PTPRQ: variants seen among roughly 807,000 people sequenced by gnomAD.
The protein encoded by PTPRQ is phosphatidylinositol phosphatase PTPRQ.
PTPRQ carries 199 observed loss-of-function variants against 246.0 expected under a neutral mutation model. That is an observed-to-expected ratio of 0.81 (90% CI 0.72 to 0.91). The LOEUF (loss-of-function observed/expected upper bound fraction) is 0.91, where lower values mean the gene tolerates loss of function less well. Ranked by LOEUF, PTPRQ falls within the 40% of genes least tolerant of loss-of-function variation. The pLI is 0.00. For missense variants in PTPRQ, 2,624 were observed against 2,528.4 expected (o/e 1.04, Z -0.81); for synonymous variants, 869 against 853.2 (o/e 1.02, Z -0.32).
At chr12:80,521,028 T>C (rs1895465414) in intron 17 of PTPRQ, among the ~76,000 whole-genome samples, 1 of 151,914 alleles carries the variant, frequency 6.6e-6, no homozygotes, top group African/African-American at 2.4e-5. Flanking sequence ...ACCTGTTGTT[T>C]CCTGACTTTT....
chr12:80,508,558 G>A (rs1419239423), intron 16 of PTPRQ, among the ~76,000 whole-genome samples: 1 of 152,020 alleles, frequency 6.6e-6, no homozygotes, highest in Non-Finnish European at 1.5e-5. Flanking sequence ...GCCAGGTAGA[G>A]GAGTGACAGA....
chr12:80,637,422 T>C (rs1196691920), intron 35 of PTPRQ, among the ~76,000 whole-genome samples: 4 of 152,252 alleles, frequency 2.6e-5, no homozygotes, highest in African/African-American at 9.6e-5. Context: ...TTCAGATAAT[T>C]TTTATTTTGT....
At chr12:80,601,434 T>A (rs983046779) in intron 26 of PTPRQ, among the ~76,000 whole-genome samples, 1 of 151,884 alleles carries the variant, frequency 6.6e-6, no homozygotes, top group Admixed American at 6.6e-5. Context: ...TATGAGCTTT[T>A]TGTCCTCTTA....
At chr12:80,557,287 C>T (rs1896672636) in intron 25 of PTPRQ, among the ~76,000 whole-genome samples, 1 of 151,974 alleles carries the variant, frequency 6.6e-6, no homozygotes, top group Non-Finnish European at 1.5e-5. Context: ...CTTGAACGTC[C>T]TTCCTCCCAG....
chr12:80,550,684 C>A lies in PTPRQ; in HGVS notation c.4285+950C>A, dbSNP rs1474931128. ...CCCATTATTTGTTTTTTCCAAGATG[C>A]TGACTGGTAAATATTTCTAGGAAAA... On this transcript the variant is annotated intron_variant, in intron 25 of 44. Coordinates refer to ENST00000644991, the MANE Select transcript of PTPRQ (RefSeq NM_001145026.2). Among the ~76,000 whole-genome samples the A allele has an allele frequency of 2.0e-5, 3 of 152,104 alleles. No homozygotes were observed. In the East Asian group the frequency reaches 5.8e-4, roughly 29 times the overall value.
chr12:80,652,804 G>C lies in PTPRQ; in HGVS notation c.6085G>C (p.Ala2029Pro). ...TGATGCTGATCTGCCTTGGAATAGA[G>C]CAAAAAACCGCTTCCCAAACATAAA... ...STDADLPWNR[A>P]KNRFPNIKPY... The change falls in exon 38 of 45, where the codon GCA becomes CCA. Residue 2029 changes from alanine (A) to proline (P), a missense_variant. Coordinates refer to ENST00000644991, the MANE Select transcript of PTPRQ (RefSeq NM_001145026.2). 6.6e-7 allele frequency: 1 copy of C among 1,508,156 alleles called. No individual in the cohort carries two copies. The highest frequency in any genetic ancestry group is 1.4e-5 in the South Asian group (1 of 73,298). 93.4% of individuals were successfully genotyped at this position (1,508,156 alleles called of 1,614,324 possible). A position where few individuals can be genotyped will look rare whatever the true frequency, so the allele number is the denominator to read the frequency against.
At chr12:80,615,182 G>A (rs952861136) in intron 29 of PTPRQ, among the ~76,000 whole-genome samples, 8 of 150,624 alleles carry the variant, frequency 5.3e-5, no homozygotes, top group South Asian at 2.1e-4. Context: ...TATAACATAC[G>A]TTTTTTATTT....
intron 14 of PTPRQ, among the ~76,000 whole-genome samples, chr12:80,497,198 T>C (rs1894655676): frequency 1.3e-5 from 2 of 151,978 alleles, no homozygotes; most frequent in African/African-American, 4.8e-5. Flanking sequence ...GAAATAATTA[T>C]ACAACTCACC....
At chr12:80,612,869 A>G (rs1377597026) in intron 28 of PTPRQ, among the ~76,000 whole-genome samples, 2 of 150,564 alleles carry the variant, frequency 1.3e-5, no homozygotes, top group South Asian at 2.1e-4. Flanking sequence ...CTATTAATAC[A>G]TGTAGTATCC....
At chr12:80,521,178 C>T (rs1895470464) in intron 17 of PTPRQ, among the ~76,000 whole-genome samples, 1 of 152,174 alleles carries the variant, frequency 6.6e-6, no homozygotes, top group African/African-American at 2.4e-5. Context: ...AGTGTCTGTT[C>T]ATATCCTTTG....
chr12:80,562,537 C>A (rs894023116), intron 25 of PTPRQ, among the ~76,000 whole-genome samples: 5 of 151,976 alleles, frequency 3.3e-5, no homozygotes, highest in Admixed American at 1.3e-4. Flanking sequence ...CAAAGGAAAT[C>A]TTAAGATAAT....
intron 25 of PTPRQ, among the ~76,000 whole-genome samples, chr12:80,569,112 A>T (rs1320766227): frequency 6.9e-6 from 1 of 145,952 alleles, no homozygotes; most frequent in Admixed American, 6.8e-5. Context: ...AGTTCTTTAT[A>T]CATTTTGGAT....
Position 80,619,579 on chromosome 12 carries a change from G to A in PTPRQ, c.5389+37G>A, listed in dbSNP as rs902287437. 35 of 1,473,372 alleles carry A rather than the reference G, an allele frequency of 2.4e-5. No individual in the cohort carries two copies. In the Admixed American group the frequency reaches 5.8e-4, roughly 24 times the overall value. 91.3% of individuals were successfully genotyped at this position (1,473,372 alleles called of 1,614,324 possible). ...TGTCAATTTATCTTGTTAAATTGTG[G>A]AGTGTAGATTACTGAGTGCTAAAAA... On this transcript the variant is annotated intron_variant, in intron 31 of 44. Transcript: ENST00000644991.
intron 17 of PTPRQ, among the ~76,000 whole-genome samples, chr12:80,533,130 T>C (rs1895891352): frequency 6.6e-6 from 1 of 152,158 alleles, no homozygotes. Flanking sequence ...TCTAAATTCT[T>C]TAATAACTAA....
intron 6 of PTPRQ, among the ~76,000 whole-genome samples, chr12:80,467,330 T>C (rs1893461616): frequency 6.6e-6 from 1 of 152,090 alleles, no homozygotes; most frequent in South Asian, 2.1e-4. Context: ...CCAGTTAGAA[T>C]GGCAATCATT....
At chr12:80,481,387 A>T (rs1233873490) in intron 8 of PTPRQ, among the ~76,000 whole-genome samples, 1 of 152,130 alleles carries the variant, frequency 6.6e-6, no homozygotes, top group Non-Finnish European at 1.5e-5. Context: ...AAATAATAAG[A>T]GCCATCCATG....
At chr12:80,670,228 G>A in intron 41 of PTPRQ, 116 bp from the exon 42 acceptor site, 7 of 1,388,820 alleles carry the variant, frequency 5.0e-6, no homozygotes, top group Non-Finnish European at 6.8e-6. Flanking sequence ...CATTTTATTT[G>A]GTTTGGTAAA....
chr12:80,490,596 G>A (rs1894414671), intron 9 of PTPRQ, among the ~76,000 whole-genome samples: 1 of 151,910 alleles, frequency 6.6e-6, no homozygotes, highest in Non-Finnish European at 1.5e-5. Context: ...TTGAAGACAT[G>A]TTCATTGTCA....
intron 25 of PTPRQ, among the ~76,000 whole-genome samples, chr12:80,570,957 A>ACCAGTACCAT (rs1897128614): frequency 6.6e-6 from 1 of 152,160 alleles, no homozygotes; most frequent in African/African-American, 2.4e-5. Flanking sequence ...TCTGTTTGGT[A>ACCAGTACCAT]CCAGTACCAT....
Sources: allele counts gnomAD v4.1 joint callset (sites outside exome capture counted in the v4.1 genomes callset), GRCh38; gene constraint gnomAD v4.1.1; transcripts MANE v1.5; gene names NCBI Gene and HGNC (gene_info 2026-07-23, HGNC 2026-07-21).